The following THSD7B variants were observed in gnomAD, a reference collection of about 807,000 sequenced individuals.
THSD7B encodes thrombospondin type 1 domain containing 7B.
In THSD7B, 138 loss-of-function variants were observed where a neutral mutation model predicts 213.6. That is an observed-to-expected ratio of 0.65 (90% CI 0.56 to 0.74). THSD7B has a LOEUF of 0.74. Ranked by LOEUF, THSD7B falls within the 30% of genes least tolerant of loss-of-function variation. The pLI, the probability that THSD7B is intolerant of heterozygous loss-of-function variation, is 0.00. For synonymous variants in THSD7B, 742 were observed against 687.0 expected, an observed-to-expected ratio of 1.08 and a Z score of -1.25; for missense variants, 1,931 against 1,991.5, an observed-to-expected ratio of 0.97 and a Z score of 0.58.
intron 5 of THSD7B, among the ~76,000 whole-genome samples, chr2:137,130,569 C>T (rs1413198407): frequency 1.4e-5 from 2 of 144,222 alleles, no homozygotes; most frequent in South Asian, 2.3e-4. Context: ...TGATGTTCCC[C>T]TTCCTGTGTC....
intron 15 of THSD7B, among the ~76,000 whole-genome samples, chr2:137,477,463 CT>C (rs1481745814): frequency 2.4e-4 from 36 of 151,820 alleles, no homozygotes; most frequent in Admixed American, 2.4e-3. Context: ...ATTCAGCCAG[CT>C]TATGTCTTTT....
chr2:136,936,756 G>C (rs145167367), intron 2 of THSD7B, among the ~76,000 whole-genome samples: 1 of 151,950 alleles, frequency 6.6e-6, no homozygotes. Context: ...AAAATCTCAC[G>C]AATCACCACT....
Position 136,927,026 on chromosome 2 carries a change from A to G in THSD7B, c.139+44709A>G, listed in dbSNP as rs372468588. Reference sequence around the variant, plus strand: ...GCTTAAGATCCTTTAGTAATTCTCTACCAGTTTTAGGATAAAATATGATTT... The same window carrying G: ...GCTTAAGATCCTTTAGTAATTCTCTGCCAGTTTTAGGATAAAATATGATTT... On this transcript the variant is annotated intron_variant, in intron 2 of 27. Transcript: ENST00000409968. Among the ~76,000 whole-genome samples, 27 of 152,304 alleles carry G rather than the reference A, an allele frequency of 1.8e-4. 1 individual carries two copies. The highest frequency in any genetic ancestry group is 3.4e-3 in the Middle Eastern group (1 of 294).
At chr2:137,628,875 T>A (rs140299140) in intron 20 of THSD7B, among the ~76,000 whole-genome samples, 1 of 152,306 alleles carries the variant, frequency 6.6e-6, no homozygotes, top group Non-Finnish European at 1.5e-5. Flanking sequence ...ATACTACATT[T>A]CAATCACACC....
intron 15 of THSD7B, among the ~76,000 whole-genome samples, chr2:137,481,092 C>T (rs753244879): frequency 9.2e-5 from 14 of 152,306 alleles, no homozygotes; most frequent in Middle Eastern, 3.4e-3. Flanking sequence ...AAGCAGAGAA[C>T]GACCTTTATC....
intron 5 of THSD7B, among the ~76,000 whole-genome samples, chr2:137,147,770 C>T (rs888946723): frequency 3.9e-5 from 6 of 152,148 alleles, no homozygotes; most frequent in African/African-American, 4.8e-5. Flanking sequence ...CTGAAGTCTA[C>T]GAGACCTAGC....
intron 1 of THSD7B, among the ~76,000 whole-genome samples, chr2:136,819,365 A>G (rs1039112432): frequency 1.3e-5 from 2 of 151,928 alleles, no homozygotes; most frequent in Non-Finnish European, 2.9e-5. Flanking sequence ...TACTCCCTCT[A>G]TTAGTGTGTA....
intron 1 of THSD7B, among the ~76,000 whole-genome samples, chr2:136,822,268 A>G (rs1442357318): frequency 6.6e-6 from 1 of 152,068 alleles, no homozygotes; most frequent in Non-Finnish European, 1.5e-5. Flanking sequence ...CACCAAACCC[A>G]CTTTAGATGA....
chr2:136,808,903 A>C (rs1365870499), intron 1 of THSD7B, among the ~76,000 whole-genome samples: 1 of 152,144 alleles, frequency 6.6e-6, no homozygotes, highest in Non-Finnish European at 1.5e-5. Flanking sequence ...TATCTTTTTA[A>C]GGTCTATAAA....
In THSD7B at chr2:137,394,671, TA is replaced by T. The variant is rs1481629790; in HGVS notation, c.2501-10938del. 4.3e-5 allele frequency among the ~76,000 whole-genome samples: 6 copies of T among 139,104 alleles called. No homozygotes were observed. The East Asian group carries it at 1.2e-3, about 28-fold the overall frequency. The allele number at this position is 139,104 out of a possible 152,430, so 91.3% of individuals were successfully genotyped here. ...CTCTTTTTTGGTTCCATATGAACTT[TA>T]AAATAGTTTTTTCCAATTCTGTGAA... On this transcript the variant is annotated intron_variant, in intron 12 of 27. Transcript: ENST00000409968.
At chr2:137,675,505 A>C (rs193139280) in intron 27 of THSD7B, among the ~76,000 whole-genome samples, 62 of 148,510 alleles carry the variant, frequency 4.2e-4, no homozygotes, top group African/African-American at 1.5e-3. Context: ...TTTGCTTAGA[A>C]TTCAGGTTCT....
At chr2:136,944,618 G>A (rs1438657697) in intron 2 of THSD7B, among the ~76,000 whole-genome samples, 1 of 151,856 alleles carries the variant, frequency 6.6e-6, no homozygotes, top group Admixed American at 6.6e-5. Flanking sequence ...TTGTTGAATT[G>A]ATCCCTTTAC....
At chr2:136,802,280 C>T (rs1213095974) in intron 1 of THSD7B, among the ~76,000 whole-genome samples, 1 of 151,942 alleles carries the variant, frequency 6.6e-6, no homozygotes, top group Non-Finnish European at 1.5e-5. Context: ...CAATATAATC[C>T]CGTGGATCCT....
At chr2:137,604,658 A>G (rs1448246955) in intron 17 of THSD7B, among the ~76,000 whole-genome samples, 7 of 152,202 alleles carry the variant, frequency 4.6e-5, no homozygotes, top group Non-Finnish European at 8.8e-5. Flanking sequence ...TCCATAAAAT[A>G]TCACTACTGA....
chr2:137,081,585 CT>C (rs1426811339), intron 3 of THSD7B, among the ~76,000 whole-genome samples: 1 of 151,938 alleles, frequency 6.6e-6, no homozygotes, highest in Non-Finnish European at 1.5e-5. Context: ...TCTTAATATT[CT>C]ATTTCTGATT....
chr2:136,982,245 C>G (rs1267432031), intron 2 of THSD7B, among the ~76,000 whole-genome samples: 2 of 152,084 alleles, frequency 1.3e-5, no homozygotes, highest in Non-Finnish European at 2.9e-5. Flanking sequence ...TGGTTTCTCT[C>G]TCCAAAATAC....
intron 7 of THSD7B, among the ~76,000 whole-genome samples, chr2:137,197,098 T>C (rs1680780136): frequency 6.6e-6 from 1 of 152,142 alleles, no homozygotes; most frequent in African/African-American, 2.4e-5. Flanking sequence ...ACAAAATAAC[T>C]TCAAAAATGT....
At chr2:137,281,767 T>A (rs1323261595) in intron 12 of THSD7B, among the ~76,000 whole-genome samples, 1 of 152,100 alleles carries the variant, frequency 6.6e-6, no homozygotes, top group Non-Finnish European at 1.5e-5. Flanking sequence ...TATTCCATGG[T>A]GTATATGTGC....
chr2:137,330,083 T>C (rs2104891598), intron 12 of THSD7B, among the ~76,000 whole-genome samples: 1 of 152,242 alleles, frequency 6.6e-6, no homozygotes, highest in Admixed American at 6.5e-5. Context: ...TAGTGTTGGG[T>C]ATGCAGGTGT....
Sources: gnomAD v4.1 joint callset for allele counts (sites outside exome capture counted in the v4.1 genomes callset) on GRCh38, gnomAD v4.1.1 for gene constraint, MANE v1.5 for transcripts, NCBI Gene and HGNC (gene_info 2026-07-23, HGNC 2026-07-21) for gene names.